The following GARRE1 variants were observed in gnomAD, a reference collection of about 807,000 sequenced individuals.
GARRE1 encodes granule associated Rac and RHOG effector 1.
A neutral mutation model predicts 103.2 loss-of-function variants in GARRE1; 49 were observed. That is an observed-to-expected ratio of 0.47 (90% CI 0.38 to 0.60). GARRE1 has a LOEUF of 0.60. Ranked by LOEUF, GARRE1 falls within the 20% of genes least tolerant of loss-of-function variation. The pLI is 0.00. For synonymous variants in GARRE1, 505 were observed against 532.8 expected (o/e 0.95, Z 0.72); for missense variants, 1,199 against 1,370.5 (o/e 0.87, Z 1.98).
intron 1 of GARRE1, among the ~76,000 whole-genome samples, chr19:34,264,818 G>C (rs10418017): frequency 0.031 from 4,735 of 152,212 alleles, 246 homozygotes; most frequent in African/African-American, 0.11. Flanking sequence ...GTTTGGAATG[G>C]CTATGAGGTG....
At chr19:34,318,517 A>T (rs771203079) in intron 2 of GARRE1, among the ~76,000 whole-genome samples, 7 of 152,264 alleles carry the variant, frequency 4.6e-5, no homozygotes, top group African/African-American at 1.7e-4. Flanking sequence ...TGCAAACTCA[A>T]TAAAGTAAGT....
At chr19:34,284,266 C>T (rs996541498) in intron 1 of GARRE1, among the ~76,000 whole-genome samples, 1 of 151,678 alleles carries the variant, frequency 6.6e-6, no homozygotes, top group Non-Finnish European at 1.5e-5. Context: ...CTGAAATTAC[C>T]GGCATGTGCT....
At chr19:34,256,173 T>G (rs1412284797) in intron 1 of GARRE1, among the ~76,000 whole-genome samples, 1 of 151,878 alleles carries the variant, frequency 6.6e-6, no homozygotes, top group Non-Finnish European at 1.5e-5. Context: ...ATAGTATTTG[T>G]TTTCCTTTGA....
At chr19:34,327,712 A>G (rs1568307455) in intron 4 of GARRE1, 59 bp from the exon 5 acceptor site, 4 of 1,528,044 alleles carry the variant, frequency 2.6e-6, no homozygotes, top group African/African-American at 1.4e-5. Flanking sequence ...TTTCCATTGA[A>G]CTTTGTCATC....
In GARRE1 at chr19:34,328,074, C is replaced by G. The variant is rs753189334; in HGVS notation, c.1027C>G (p.Pro343Ala). ...CATGCAGTGTGAGCTCCCCACCGTCCCTGTGCAGATAGGATCGCACTTCCT... is the reference window on the plus strand; with the variant it reads ...CATGCAGTGTGAGCTCCCCACCGTCGCTGTGCAGATAGGATCGCACTTCCT... ...QPMQCELPTVPVQIGSHFLKG... is the reference protein window; with the variant it reads ...QPMQCELPTVAVQIGSHFLKG... Residue 343 changes from proline (P) to alanine (A), a missense_variant, in exon 6 of 14, where the codon CCT becomes GCT. Coordinates refer to ENST00000299505, the MANE Select transcript of GARRE1 (RefSeq NM_014686.5). 10 of 1,614,162 alleles carry G rather than the reference C, an allele frequency of 6.2e-6. No individual in the cohort carries two copies. Among genetic ancestry groups the G allele is most frequent in the Non-Finnish European group, 8.5e-6 (10 of 1,180,012 alleles).
At position 34,320,008 on chromosome 19, in the gene GARRE1, G is replaced by A; in HGVS notation, c.597G>A (p.Glu199=). ...CGGTGGCTCACTCTTGCTTTGCTGA[G>A]GTCATCGTGCCAGAAAAAAAGAACA... ...VQPVAHSCFA[E]VIVPEKKNSG... The change falls in exon 3 of 14, where the codon GAG becomes GAA. Residue 199 remains glutamate (E), a synonymous_variant. Coordinates refer to ENST00000299505, the MANE Select transcript of GARRE1 (RefSeq NM_014686.5). 1 of 1,614,216 alleles carries A rather than the reference G, an allele frequency of 6.2e-7. No individual in the cohort carries two copies. Among genetic ancestry groups the A allele is most frequent in the Non-Finnish European group, 8.5e-7 (1 of 1,180,046 alleles).
intron 3 of GARRE1, among the ~76,000 whole-genome samples, chr19:34,327,119 C>A (rs962578581): frequency 2.6e-5 from 4 of 151,710 alleles, no homozygotes; most frequent in African/African-American, 9.7e-5. Context: ...AGCGCCACTA[C>A]ACTCCAGCCA....
Position 34,342,374 on chromosome 19 carries a change from A to G in GARRE1, c.2440A>G (p.Arg814Gly), listed in dbSNP as rs1407486259. The change falls in exon 10 of 14, where the codon AGA becomes GGA. Residue 814 changes from arginine (R) to glycine (G), a missense_variant. Transcript: ENST00000299505. ...TCTGGGACAGAAGCCGCAGGGACCT[A>G]GAAATAACACCTGGCCCAACCGTGA... ...EVLGQKPQGP[R>G]NNTWPNRDQS... is the part of the protein sequence containing the mutation. 1 of 1,614,172 alleles carries G rather than the reference A, an allele frequency of 6.2e-7. No homozygotes were observed. The highest frequency in any genetic ancestry group is 8.5e-7 in the Non-Finnish European group (1 of 1,180,032).
chr19:34,347,532 T>C (rs1363598117), intron 10 of GARRE1, among the ~76,000 whole-genome samples: 6 of 152,214 alleles, frequency 3.9e-5, no homozygotes, highest in African/African-American at 1.4e-4. Flanking sequence ...TGGCTGATGC[T>C]GGAAATTTTT....
chr19:34,337,891 A>G (rs2074168348), intron 8 of GARRE1, among the ~76,000 whole-genome samples: 1 of 152,204 alleles, frequency 6.6e-6, no homozygotes, highest in Non-Finnish European at 1.5e-5. Flanking sequence ...TGGCTTGGGA[A>G]CAAGAGCAAA....
chr19:34,351,865 C>T lies in GARRE1; in HGVS notation c.2904+273C>T, dbSNP rs183331768. Among the ~76,000 whole-genome samples the T allele has an allele frequency of 8.5e-5, 13 of 152,260 alleles. No individual in the cohort carries two copies. The East Asian group carries it at 2.5e-3, about 29-fold the overall frequency. On this transcript the variant is annotated intron_variant, in intron 13 of 13. Coordinates refer to ENST00000299505, the MANE Select transcript of GARRE1 (RefSeq NM_014686.5). ...CCTGTAATCCCAGTGCTTTGGGAGG[C>T]CAAGGCAGAAGGATGGCTTGAGGCC...
chr19:34,302,555 A>G (rs1264868606), intron 2 of GARRE1, among the ~76,000 whole-genome samples: 1 of 151,814 alleles, frequency 6.6e-6, no homozygotes, highest in South Asian at 2.1e-4. Flanking sequence ...CAGCGTCCCA[A>G]AGTGTTGGGA....
At chr19:34,312,614 G>A (rs2074042240) in intron 2 of GARRE1, among the ~76,000 whole-genome samples, 1 of 152,100 alleles carries the variant, frequency 6.6e-6, no homozygotes, top group South Asian at 2.1e-4. Flanking sequence ...GTTGTAGCTC[G>A]CATCAGAATT....
At chr19:34,350,247 T>C (rs2074230090) in intron 12 of GARRE1, among the ~76,000 whole-genome samples, 2 of 151,938 alleles carry the variant, frequency 1.3e-5, no homozygotes, top group Non-Finnish European at 2.9e-5. Context: ...CAGTGGGGTG[T>C]GGGTGAGGTA....
intron 1 of GARRE1, among the ~76,000 whole-genome samples, chr19:34,267,796 T>TG (rs757011421): frequency 6.6e-6 from 1 of 150,418 alleles, no homozygotes; most frequent in Non-Finnish European, 1.5e-5. Context: ...TTTTTTTTGA[T>TG]GGAGTCTCGC....
At chr19:34,315,921 A>G (rs964092167) in intron 2 of GARRE1, among the ~76,000 whole-genome samples, 1 of 152,202 alleles carries the variant, frequency 6.6e-6, no homozygotes, top group Non-Finnish European at 1.5e-5. Flanking sequence ...CTCCTCCACC[A>G]TCAAGGGTTG....
intron 9 of GARRE1, among the ~76,000 whole-genome samples, chr19:34,340,486 T>G (rs1049125484): frequency 7.9e-5 from 12 of 152,178 alleles, no homozygotes; most frequent in Non-Finnish European, 1.6e-4. Context: ...TCTTGGTCTT[T>G]GTCTTTGGTC....
intron 1 of GARRE1, among the ~76,000 whole-genome samples, chr19:34,287,837 C>A (rs1023282599): frequency 3.3e-5 from 5 of 152,130 alleles, no homozygotes; most frequent in Admixed American, 2.0e-4. Context: ...GATGGCTGCA[C>A]CCTCATGACC....
intron 2 of GARRE1, among the ~76,000 whole-genome samples, chr19:34,305,382 CTT>C (rs924219989): frequency 3.9e-5 from 6 of 152,226 alleles, no homozygotes; most frequent in African/African-American, 1.4e-4. Flanking sequence ...GTTAGGAACA[CTT>C]TGTCCTCTCC....
Sources: allele counts gnomAD v4.1 joint callset (sites outside exome capture counted in the v4.1 genomes callset), GRCh38; gene constraint gnomAD v4.1.1; transcripts MANE v1.5; gene names NCBI Gene and HGNC (gene_info 2026-07-23, HGNC 2026-07-21).